The following DNAAF5 variants were observed in gnomAD, a reference collection of about 807,000 sequenced individuals.
The protein encoded by DNAAF5 is HEAT repeat containing 2.
A neutral mutation model predicts 75.8 loss-of-function variants in DNAAF5; 64 were observed. That is an observed-to-expected ratio of 0.84 (90% CI 0.69 to 1.04). DNAAF5 has a LOEUF of 1.04. Among genes scored for constraint, DNAAF5 ranks in the 50% least tolerant of loss-of-function variants. The pLI is 0.00. For missense variants in DNAAF5, 1,269 were observed against 1,178.5 expected (o/e 1.08, Z -1.12); for synonymous variants, 657 against 557.2 (o/e 1.18, Z -2.52).
At chr7:776,851 G>A (rs1259747067) in intron 11 of DNAAF5, among the ~76,000 whole-genome samples, 2 of 152,240 alleles carry the variant, frequency 1.3e-5, no homozygotes, top group Non-Finnish European at 2.9e-5. Flanking sequence ...CAGGAGGTGA[G>A]AGGTGGGCAA....
At chr7:755,486 A>G (rs1463633143) in intron 5 of DNAAF5, among the ~76,000 whole-genome samples, 1 of 152,218 alleles carries the variant, frequency 6.6e-6, no homozygotes, top group Non-Finnish European at 1.5e-5. Context: ...CTTTGACTTG[A>G]GATTTCAGTT....
chr7:727,349 C>A, intron 1 of DNAAF5, 34 bp downstream of exon 1: 1 of 1,161,190 alleles, frequency 8.6e-7, no homozygotes, highest in African/African-American at 1.6e-5. Context: ...CACACGCCAC[C>A]CCACACTCTC....
At chr7:782,438 C>T (rs1335170764) in intron 12 of DNAAF5, among the ~76,000 whole-genome samples, 1 of 137,644 alleles carries the variant, frequency 7.3e-6, no homozygotes, top group Non-Finnish European at 1.6e-5. Flanking sequence ...AAACTCGCAT[C>T]TTCCTGGTGT....
chr7:764,369 G>C (rs1782756357), intron 8 of DNAAF5, among the ~76,000 whole-genome samples: 1 of 152,242 alleles, frequency 6.6e-6, no homozygotes, highest in Admixed American at 6.5e-5. Flanking sequence ...CATTTCTGTG[G>C]TTCTCTTTGA....
chr7:727,542 C>T (rs2128066996), intron 1 of DNAAF5: 2 of 287,766 alleles, frequency 7.0e-6, no homozygotes, highest in East Asian at 1.2e-4. Context: ...TCACGTCCCG[C>T]CACCAACGCG....
At chr7:763,235 C>G (rs528577326) in intron 7 of DNAAF5, among the ~76,000 whole-genome samples, 1 of 152,168 alleles carries the variant, frequency 6.6e-6, no homozygotes, top group East Asian at 1.9e-4. Context: ...TCTTTGCCTG[C>G]TGGTCATGGG....
rs764283033 is a variant in DNAAF5 at position 769,220 on chromosome 7, C to G, written c.1784-1251C>G. ...AACGGCTCAAGGTGACTCACAGTTG[C>G]TTGGATAAGCCAGTGGACGCTCCCT... On this transcript the variant is annotated intron_variant, in intron 8 of 12. Coordinates refer to ENST00000297440, the MANE Select transcript of DNAAF5 (RefSeq NM_017802.4). 169 of 767,336 alleles carry G rather than the reference C, an allele frequency of 2.2e-4. No homozygotes were observed. The Admixed American group carries it at 2.9e-3, about 13-fold the overall frequency. 47.5% of individuals were successfully genotyped at this position (767,336 alleles called of 1,614,324 possible).
intron 11 of DNAAF5, 43 bp from the exon 12 acceptor site, chr7:779,910 G>A (rs1778878809): frequency 6.4e-7 from 1 of 1,556,672 alleles, no homozygotes; most frequent in Admixed American, 1.7e-5. Context: ...GACGTGAAAT[G>A]TCTGCTCTAG....
At chr7:778,597 C>T (rs535762438) in intron 11 of DNAAF5, 1 of 152,464 alleles carries the variant, frequency 6.6e-6, no homozygotes, top group East Asian at 1.9e-4. Flanking sequence ...CAGTGCCACT[C>T]TGTGTACTTC....
At chr7:747,445 T>G (rs527287769) in intron 4 of DNAAF5, among the ~76,000 whole-genome samples, 1 of 152,236 alleles carries the variant, frequency 6.6e-6, no homozygotes, top group East Asian at 1.9e-4. Flanking sequence ...TTTCAGCGTG[T>G]CCGGCTGGTG....
chr7:744,824 A>T (rs551968981), intron 4 of DNAAF5, among the ~76,000 whole-genome samples: 95 of 152,270 alleles, frequency 6.2e-4, no homozygotes, highest in African/African-American at 2.2e-3. Context: ...GGTGGTCTCG[A>T]ACTCCAGACC....
At chr7:733,659 G>A (rs985998220) in intron 2 of DNAAF5, among the ~76,000 whole-genome samples, 2 of 152,056 alleles carry the variant, frequency 1.3e-5, no homozygotes, top group African/African-American at 4.8e-5. Context: ...ACCGCACCTG[G>A]CTAATTTTTT....
chr7:736,580 AGCCTACGTGT>A (rs1334911985), intron 2 of DNAAF5, among the ~76,000 whole-genome samples: 1 of 152,026 alleles, frequency 6.6e-6, no homozygotes, highest in Admixed American at 6.6e-5. Context: ...CTTTATTTTC[AGCCTACGTGT>A]GCCTTTTTAG....
intron 12 of DNAAF5, among the ~76,000 whole-genome samples, chr7:781,721 A>G (rs932647926): frequency 3.2e-4 from 49 of 152,234 alleles, no homozygotes; most frequent in African/African-American, 1.1e-3. Flanking sequence ...ACTTGTTTCT[A>G]TGTGCATTTC....
chr7:777,188 C>T (rs763372988), intron 11 of DNAAF5, among the ~76,000 whole-genome samples: 2 of 152,188 alleles, frequency 1.3e-5, no homozygotes, highest in East Asian at 1.9e-4. Context: ...ATAAACGTAA[C>T]GCACGTGACT....
In DNAAF5 at chr7:775,103, C is replaced by G; in HGVS notation, c.2180C>G (p.Thr727Arg). 6.2e-7 allele frequency: 1 copy of G among 1,614,058 alleles called. No homozygotes were observed. Among genetic ancestry groups the G allele is most frequent in the South Asian group, 1.1e-5 (1 of 91,074 alleles). ...CTGATCTCATGCCGTATTATCAACACGTTCTTAAAAACCTCGGGCGGCATG... is the reference window on the plus strand; with the variant it reads ...CTGATCTCATGCCGTATTATCAACAGGTTCTTAAAAACCTCGGGCGGCATG... Reference protein sequence around the residue: ...TRLISCRIINTFLKTSGGMTD... With the variant: ...TRLISCRIINRFLKTSGGMTD... Residue 727 changes from threonine (T) to arginine (R), a missense_variant, in exon 11 of 13, where the codon ACG (threonine) becomes AGG (arginine). Coordinates refer to ENST00000297440, the MANE Select transcript of DNAAF5 (RefSeq NM_017802.4).
chr7:735,499 T>G (rs1326669314), intron 2 of DNAAF5, among the ~76,000 whole-genome samples: 3 of 151,770 alleles, frequency 2.0e-5, no homozygotes, highest in Non-Finnish European at 4.4e-5. Context: ...GTTGCTCATA[T>G]TGTAGTTGCT....
chr7:734,728 T>C (rs903808186), intron 2 of DNAAF5, among the ~76,000 whole-genome samples: 2 of 152,246 alleles, frequency 1.3e-5, no homozygotes, highest in African/African-American at 2.4e-5. Context: ...CAGTGGCTTT[T>C]CATTGCGGCT....
chr7:755,879 A>G (rs1782464315), intron 5 of DNAAF5, among the ~76,000 whole-genome samples: 1 of 152,212 alleles, frequency 6.6e-6, no homozygotes, highest in Non-Finnish European at 1.5e-5. Context: ...CAGGAGAGCA[A>G]GAGACACGGG....
Sources: allele counts gnomAD v4.1 joint callset (sites outside exome capture counted in the v4.1 genomes callset), GRCh38; gene constraint gnomAD v4.1.1; transcripts MANE v1.5; gene names NCBI Gene and HGNC (gene_info 2026-07-23, HGNC 2026-07-21).